ZNF236: variants seen among roughly 807,000 people sequenced by gnomAD.
The protein encoded by ZNF236 is regulated by glucose.
Under a neutral mutation model 191.2 loss-of-function variants are expected in ZNF236, and 50 were observed. The ratio of observed to expected loss-of-function variants is 0.26; its 90% CI spans 0.21 to 0.33. The LOEUF is 0.33. Among genes scored for constraint, ZNF236 ranks in the 10% least tolerant of loss-of-function variants. The pLI is 1.00. For missense variants in ZNF236, 1,754 were observed against 2,374.5 expected (o/e 0.74, Z 5.43); for synonymous variants, 907 against 928.8 (o/e 0.98, Z 0.43).
chr18:76,824,953 G>C (rs1974975005), intron 1 of ZNF236, among the ~76,000 whole-genome samples: 1 of 152,206 alleles, frequency 6.6e-6, no homozygotes, highest in African/African-American at 2.4e-5. Context: ...GGATGAACTT[G>C]TTAAATGTAA....
chr18:76,851,494 A>G (rs1759839841), intron 2 of ZNF236, among the ~76,000 whole-genome samples: 1 of 152,200 alleles, frequency 6.6e-6, no homozygotes, highest in South Asian at 2.1e-4. Flanking sequence ...ATTGTCAAAC[A>G]CTTATACTCA....
chr18:76,842,291 G>A (rs1975530952), intron 1 of ZNF236, among the ~76,000 whole-genome samples: 1 of 148,858 alleles, frequency 6.7e-6, no homozygotes, highest in Non-Finnish European at 1.5e-5. Context: ...TGATAATTAT[G>A]TACCTCTCCT....
rs375067661 is a variant in ZNF236, at chr18:76,927,965, C to T, written c.4453C>T (p.Leu1485=). ...DLTQVMTSQG[L]VSPSGGPHEI... is the part of the protein sequence containing the mutation. ...CACTCAAGTGATGACTTCGCAAGGTCTAGTGTCCCCCTCCGGCGGTCCCCA... is the reference window on the plus strand; with the variant it reads ...CACTCAAGTGATGACTTCGCAAGGTTTAGTGTCCCCCTCCGGCGGTCCCCA... Residue 1485 remains leucine (L), a synonymous_variant, in exon 25 of 31, where the codon CTA becomes TTA. Coordinates refer to ENST00000320610, the MANE Select transcript of ZNF236 (RefSeq NM_001306089.2). The surrounding 1 kb of genome is among the most constrained non-coding windows in gnomAD (Gnocchi z 5.4). 16 of 1,613,342 alleles carry T rather than the reference C, an allele frequency of 9.9e-6. No individual in the cohort carries two copies. In the Admixed American group the frequency reaches 1.2e-4, roughly 12 times the overall value.
At chr18:76,863,164 A>G (rs1363429620) in intron 3 of ZNF236, among the ~76,000 whole-genome samples, 1 of 152,222 alleles carries the variant, frequency 6.6e-6, no homozygotes, top group African/African-American at 2.4e-5. Context: ...GCTGAGCAAC[A>G]GAGAAGAAAT....
chr18:76,860,909 GGGAAGAGTCAT>G (rs759003623), intron 3 of ZNF236, among the ~76,000 whole-genome samples: 3 of 152,164 alleles, frequency 2.0e-5, no homozygotes, highest in Non-Finnish European at 4.4e-5. Flanking sequence ...GAAGAAAGCG[GGGAAGAGTCAT>G]GGAAGAGGCT....
At chr18:76,955,314 G>A (rs936928293) in intron 27 of ZNF236, among the ~76,000 whole-genome samples, 9 of 152,204 alleles carry the variant, frequency 5.9e-5, no homozygotes, top group African/African-American at 2.2e-4. Context: ...CGTGCGGGAG[G>A]GCTGGGGTGG....
In ZNF236 at chr18:76,875,604, T is replaced by C; in HGVS notation, c.780T>C (p.Cys260=). The change falls in exon 6 of 31, where the codon TGT becomes TGC. Residue 260 remains cysteine, a synonymous_variant. Coordinates refer to ENST00000320610, the MANE Select transcript of ZNF236 (RefSeq NM_001306089.2). This position sits in a 1 kb window ranked among gnomAD's most constrained non-coding sequence, Gnocchi z 4.3. ...AAAAACCCCATGCCTGTGCCTTCTG[T>C]CCTGCCGCCTTCTCTCAGAAAGGGA... The part of the protein sequence containing the change: ...TGEKPHACAF[C]PAAFSQKGNL... The C allele has an allele frequency of 6.2e-7, 1 of 1,603,968 alleles. No individual in the cohort carries two copies. The highest frequency in any genetic ancestry group is 2.3e-5 in the East Asian group (1 of 44,432).
At chr18:76,847,678 C>T (rs188638302) in intron 1 of ZNF236, among the ~76,000 whole-genome samples, 2 of 152,056 alleles carry the variant, frequency 1.3e-5, no homozygotes, top group Non-Finnish European at 2.9e-5. Flanking sequence ...ACCGTGTTAG[C>T]CAGGATGGTC....
chr18:76,860,545 G>A (rs1303331687), intron 3 of ZNF236, among the ~76,000 whole-genome samples: 1 of 152,148 alleles, frequency 6.6e-6, no homozygotes, highest in Non-Finnish European at 1.5e-5. Flanking sequence ...CCACAGTGGT[G>A]CTCACATTCT....
Position 76,960,088 on chromosome 18 carries a change from G to A in ZNF236, c.5242+272G>A, listed in dbSNP as rs1011692963. On this transcript the variant is annotated intron_variant, in intron 29 of 30. Coordinates refer to ENST00000320610, the MANE Select transcript of ZNF236 (RefSeq NM_001306089.2). This position sits in a 1 kb window ranked among gnomAD's most constrained non-coding sequence, Gnocchi z 4.4. ...GTGTCTGGGATGTTGACCATGTCACGTCCCTCCTTCCCTTCTGCTGGAGCA... is the reference window on the plus strand; with the variant it reads ...GTGTCTGGGATGTTGACCATGTCACATCCCTCCTTCCCTTCTGCTGGAGCA... Among the ~76,000 whole-genome samples, 3 of 152,138 alleles carry A rather than the reference G, an allele frequency of 2.0e-5. No individual in the cohort carries two copies. The highest frequency in any genetic ancestry group is 4.4e-5 in the Non-Finnish European group (3 of 68,030).
chr18:76,922,913 A>T (rs532967930), intron 20 of ZNF236, among the ~76,000 whole-genome samples, 158 bp from the exon 21 acceptor site: 7 of 152,212 alleles, frequency 4.6e-5, no homozygotes, highest in African/African-American at 1.7e-4. Flanking sequence ...TGTTATTTGG[A>T]TTTGTTTATG....
At chr18:76,901,024 G>A (rs1313372567) in intron 11 of ZNF236, among the ~76,000 whole-genome samples, 2 of 152,180 alleles carry the variant, frequency 1.3e-5, no homozygotes, top group Admixed American at 1.3e-4. Context: ...ACACTCTTCG[G>A]ATCTGACAGG....
chr18:76,826,799 CAAA>C (rs376683576), intron 1 of ZNF236, among the ~76,000 whole-genome samples: 2 of 98,530 alleles, frequency 2.0e-5, no homozygotes, highest in African/African-American at 4.0e-5. Context: ...GACTCAGTCT[CAAA>C]AAAAAAAAAA....
chr18:76,937,149 T>C lies in ZNF236; in HGVS notation c.4595-7T>C, dbSNP rs1466455794. 6.2e-7 allele frequency: 1 copy of C among 1,611,882 alleles called. No homozygotes were observed. Among genetic ancestry groups the C allele is most frequent in the Non-Finnish European group, 8.5e-7 (1 of 1,178,214 alleles). ...CCATTGATCTACTTACTTTGCCTCT[T>C]TTGTAGAACTTAACACTACAAGCGG... On this transcript the variant is annotated splice_polypyrimidine_tract_variant and splice_region_variant and intron_variant, in intron 25 of 30. Coordinates refer to ENST00000320610, the MANE Select transcript of ZNF236 (RefSeq NM_001306089.2).
intron 25 of ZNF236, among the ~76,000 whole-genome samples, chr18:76,928,573 G>T (rs1020890472): frequency 6.6e-5 from 10 of 152,080 alleles, no homozygotes; most frequent in African/African-American, 2.2e-4. Context: ...GTAGATAAAC[G>T]GGTAGGAAAT....
At chr18:76,953,793 C>T (rs910104712) in intron 27 of ZNF236, among the ~76,000 whole-genome samples, 4 of 152,180 alleles carry the variant, frequency 2.6e-5, no homozygotes, top group African/African-American at 7.2e-5. Flanking sequence ...TAAGTTCCTG[C>T]CAGTGCCGGC....
intron 6 of ZNF236, among the ~76,000 whole-genome samples, chr18:76,876,600 T>TTC (rs1976723096): frequency 6.6e-6 from 1 of 152,168 alleles, no homozygotes. Flanking sequence ...AGATTCACAG[T>TTC]TCCATGTTCA....
chr18:76,904,449 C>G lies in ZNF236; in HGVS notation c.1964C>G (p.Ala655Gly), dbSNP rs376882995. Residue 655 changes from alanine to glycine, a missense_variant, in exon 12 of 31, where the codon GCA (alanine) becomes GGA (glycine). Coordinates refer to ENST00000320610, the MANE Select transcript of ZNF236 (RefSeq NM_001306089.2). ...SYFNNNFVNE[A>G]DRPYKCFYCH... ...TTCAATAATAATTTTGTCAATGAAG[C>G]AGATAGACCATACAAGTGTTTTTAC... 6.1e-5 allele frequency: 98 copies of G among 1,610,816 alleles called. No homozygotes were observed. Among genetic ancestry groups the G allele is most frequent in the Non-Finnish European group, 7.9e-5 (93 of 1,178,682 alleles).
In ZNF236 at chr18:76,925,688, A is replaced by C; in HGVS notation, c.4027+134A>C. ...TCCCTTCTTTGAGCCTTTTCCTTAT[A>C]AGGCATTCGGAAAAATTGGAATTCC... On this transcript the variant is annotated intron_variant, in intron 22 of 30. Transcript: ENST00000320610. The surrounding 1 kb of genome is among the most constrained non-coding windows in gnomAD (Gnocchi z 5.7). The C allele has an allele frequency of 7.8e-7, 1 of 1,281,240 alleles. No homozygotes were observed. Among genetic ancestry groups the C allele is most frequent in the Non-Finnish European group, 1.0e-6 (1 of 961,602 alleles). The allele number at this position is 1,281,240 out of a possible 1,614,324, so 79.4% of individuals were successfully genotyped here. A position where few individuals can be genotyped will look rare whatever the true frequency, so the allele number is the denominator to read the frequency against.
Sources: allele counts gnomAD v4.1 joint callset (sites outside exome capture counted in the v4.1 genomes callset), GRCh38; gene constraint gnomAD v4.1.1; non-coding constraint Gnocchi (gnomAD v3.1); transcripts MANE v1.5; gene names NCBI Gene and HGNC (gene_info 2026-07-23, HGNC 2026-07-21).